The following PDGFD variants were observed in gnomAD, a reference collection of about 807,000 sequenced individuals.
The protein encoded by PDGFD is platelet-derived growth factor D.
PDGFD carries 30 observed loss-of-function variants against 44.7 expected under a neutral mutation model. The observed-to-expected ratio is 0.67, with a 90% CI of 0.50 to 0.91. PDGFD has a LOEUF of 0.91. Among genes scored for constraint, PDGFD ranks in the 40% least tolerant of loss-of-function variants. PDGFD has a pLI of 0.00. For missense variants in PDGFD, 445 were observed against 457.8 expected (o/e 0.97, Z 0.25); for synonymous variants, 173 against 168.4 (o/e 1.03, Z -0.21).
chr11:103,917,691 T>C (rs1858149430), intron 6 of PDGFD, among the ~76,000 whole-genome samples: 1 of 152,158 alleles, frequency 6.6e-6, no homozygotes. Flanking sequence ...GGAGGATAAG[T>C]ACCTTGTCCA....
intron 1 of PDGFD, among the ~76,000 whole-genome samples, chr11:104,138,238 GACA>G (rs1368369887): frequency 2.0e-5 from 3 of 151,980 alleles, no homozygotes; most frequent in Non-Finnish European, 4.4e-5. Context: ...GAGAAAAAAT[GACA>G]ACACATTCTA....
At chr11:104,000,351 C>A in intron 1 of PDGFD, 96 bp from the exon 2 acceptor site, 1 of 1,071,040 alleles carries the variant, frequency 9.3e-7, no homozygotes, top group South Asian at 1.4e-5. Flanking sequence ...TACTTCAAAA[C>A]ACTTCTTTAT....
rs142985363 is a variant in PDGFD at position 104,037,697 on chromosome 11, G to C, written c.125-37442C>G. On this transcript the variant is annotated intron_variant, in intron 1 of 6. Transcript: ENST00000393158. ...CGACGGTGGGCTGGGGTTGCTAAAGGAGTGGGCACACAGAGAATTATTGGC... is the reference window on the plus strand; with the variant it reads ...CGACGGTGGGCTGGGGTTGCTAAAGCAGTGGGCACACAGAGAATTATTGGC... 12 of 1,613,958 alleles carry C rather than the reference G, an allele frequency of 7.4e-6. No homozygotes were observed. In the Admixed American group the frequency reaches 1.8e-4, roughly 25 times the overall value.
At chr11:104,059,627 T>C (rs764383642) in intron 1 of PDGFD, among the ~76,000 whole-genome samples, 1 of 152,316 alleles carries the variant, frequency 6.6e-6, no homozygotes, top group African/African-American at 2.4e-5. Flanking sequence ...ATTTCTCAGG[T>C]GCCTTTTTCT....
intron 5 of PDGFD, among the ~76,000 whole-genome samples, chr11:103,927,500 A>G (rs1858338027): frequency 6.6e-6 from 1 of 152,192 alleles, no homozygotes; most frequent in Non-Finnish European, 1.5e-5. Flanking sequence ...TCTTCATTCT[A>G]AATAAATCCT....
intron 3 of PDGFD, among the ~76,000 whole-genome samples, chr11:103,993,036 T>C (rs1248047735): frequency 1.3e-5 from 2 of 151,966 alleles, no homozygotes; most frequent in South Asian, 2.1e-4. Flanking sequence ...CAAGAGCACC[T>C]TGACTTCTCG....
At chr11:104,133,990 C>A (rs1861963385) in intron 1 of PDGFD, among the ~76,000 whole-genome samples, 1 of 152,182 alleles carries the variant, frequency 6.6e-6, no homozygotes, top group Admixed American at 6.5e-5. Flanking sequence ...GACACTTGTG[C>A]AATCTCCTTG....
chr11:103,950,910 A>C (rs1337464492), intron 3 of PDGFD, among the ~76,000 whole-genome samples: 2 of 152,182 alleles, frequency 1.3e-5, no homozygotes, highest in African/African-American at 2.4e-5. Flanking sequence ...CTGTGATTTC[A>C]GTTCATTTCC....
In PDGFD at chr11:104,022,563, AG is replaced by A. The variant is rs567258533; in HGVS notation, c.125-22309del. Among the ~76,000 whole-genome samples the A allele has an allele frequency of 2.7e-4, 41 of 152,248 alleles. 1 individual carries two copies. In the South Asian group the frequency reaches 8.3e-3, roughly 31 times the overall value. On this transcript the variant is annotated intron_variant, in intron 1 of 6. Transcript: ENST00000393158. ...TCCAAAATACCTGACTGCAACCTAT[AG>A]GGGAAAGGAAAAAAACTGACCTTAC...
intron 1 of PDGFD, among the ~76,000 whole-genome samples, chr11:104,118,102 A>C (rs1021430497): frequency 2.6e-5 from 4 of 151,964 alleles, no homozygotes; most frequent in African/African-American, 9.7e-5. Flanking sequence ...ATAGATAATC[A>C]TGTCATCTGT....
chr11:104,154,732 G>A (rs775523910), intron 1 of PDGFD, among the ~76,000 whole-genome samples: 2 of 152,098 alleles, frequency 1.3e-5, no homozygotes, highest in Non-Finnish European at 2.9e-5. Flanking sequence ...ATAAAAAGGT[G>A]GAATTGTGCA....
At chr11:103,993,368 C>T (rs1859489249) in intron 3 of PDGFD, among the ~76,000 whole-genome samples, 1 of 151,678 alleles carries the variant, frequency 6.6e-6, no homozygotes, top group African/African-American at 2.4e-5. Flanking sequence ...TTAGCCACCA[C>T]ACTCGGCCAC....
intron 5 of PDGFD, among the ~76,000 whole-genome samples, chr11:103,933,553 A>G (rs1215812733): frequency 1.3e-5 from 2 of 152,218 alleles, no homozygotes; most frequent in Admixed American, 1.3e-4. Flanking sequence ...TTTTTACACA[A>G]ATTAACCTAA....
chr11:103,997,538 T>C (rs1486099937), intron 2 of PDGFD, among the ~76,000 whole-genome samples: 1 of 152,210 alleles, frequency 6.6e-6, no homozygotes, highest in Non-Finnish European at 1.5e-5. Flanking sequence ...TTTTACCAGC[T>C]CCATATCTCT....
At chr11:104,062,022 C>T (rs1017006812) in intron 1 of PDGFD, among the ~76,000 whole-genome samples, 4 of 152,182 alleles carry the variant, frequency 2.6e-5, no homozygotes, top group Admixed American at 6.5e-5. Flanking sequence ...TTTCTATTCT[C>T]GTTTTTCTCA....
At chr11:103,918,532 G>C (rs1184796743) in intron 6 of PDGFD, among the ~76,000 whole-genome samples, 1 of 152,202 alleles carries the variant, frequency 6.6e-6, no homozygotes, top group Non-Finnish European at 1.5e-5. Flanking sequence ...GCAAACAAAA[G>C]TGTGTGCTTT....
chr11:104,065,448 T>G (rs1429868440), intron 1 of PDGFD, among the ~76,000 whole-genome samples: 1 of 152,198 alleles, frequency 6.6e-6, no homozygotes, highest in African/African-American at 2.4e-5. Flanking sequence ...AAAAATTTTT[T>G]CATTAGGGAG....
In PDGFD at chr11:104,027,648, G is replaced by A. The variant is rs78722672; in HGVS notation, c.125-27393C>T. ...TTCAAAGCCACAACAGGCTTTCTAC[G>A]TCACTGACCTGCATCTTATCCAGTT... On this transcript the variant is annotated intron_variant, in intron 1 of 6. Coordinates refer to ENST00000393158, the MANE Select transcript of PDGFD (RefSeq NM_025208.5). Among the ~76,000 whole-genome samples the A allele has an allele frequency of 8.9e-3, 1,361 of 152,236 alleles. 24 individuals carry two copies. The highest frequency in any genetic ancestry group is 0.031 in the African/African-American group (1,293 of 41,556).
intron 1 of PDGFD, among the ~76,000 whole-genome samples, chr11:104,055,418 C>G (rs983216260): frequency 6.6e-6 from 1 of 152,058 alleles, no homozygotes; most frequent in African/African-American, 2.4e-5. Flanking sequence ...GCTCCAGGAT[C>G]TGAAAATAAA....
Sources: allele counts gnomAD v4.1 joint callset (sites outside exome capture counted in the v4.1 genomes callset), GRCh38; gene constraint gnomAD v4.1.1; transcripts MANE v1.5; gene names NCBI Gene and HGNC (gene_info 2026-07-23, HGNC 2026-07-21).